The following DCUN1D4 variants were observed in gnomAD, a reference collection of about 807,000 sequenced individuals.
The protein encoded by DCUN1D4 is DCN1-like protein 4.
A neutral mutation model predicts 47.9 loss-of-function variants in DCUN1D4; 22 were observed. The observed-to-expected ratio is 0.46, with a 90% confidence interval of 0.33 to 0.66. The LOEUF is 0.66. DCUN1D4 is among the 30% of genes least tolerant of loss of function. The pLI is 0.02. For missense variants in DCUN1D4, 301 were observed against 340.8 expected (o/e 0.88, Z 0.92); for synonymous variants, 121 against 112.2 (o/e 1.08, Z -0.50).
chr4:51,849,834 T>TGTGTGTGTGTGCGTGC (rs951518619), intron 1 of DCUN1D4, among the ~76,000 whole-genome samples: 1 of 118,358 alleles, frequency 8.4e-6, no homozygotes. Flanking sequence ...TACAGAAATA[T>TGTGTGTGTGTGCGTGC]GTGTGTGTGT....
At chr4:51,884,637 T>G (rs1158747797) in intron 5 of DCUN1D4, among the ~76,000 whole-genome samples, 1 of 152,200 alleles carries the variant, frequency 6.6e-6, no homozygotes, top group South Asian at 2.1e-4. Flanking sequence ...GCTGAGCTTG[T>G]AAGAAGAATA....
chr4:51,864,592 G>A (rs1725605288), intron 3 of DCUN1D4, among the ~76,000 whole-genome samples: 2 of 152,126 alleles, frequency 1.3e-5, no homozygotes, highest in South Asian at 4.1e-4. Context: ...TGGGTCTGGT[G>A]AGGGTCTGTT....
intron 1 of DCUN1D4, among the ~76,000 whole-genome samples, chr4:51,854,646 C>T (rs147063938): frequency 3.9e-4 from 60 of 152,344 alleles, no homozygotes; most frequent in African/African-American, 1.4e-3. Context: ...ATCACTCATA[C>T]AATCCTCAGC....
At chr4:51,876,825 G>A (rs1334151581) in intron 4 of DCUN1D4, among the ~76,000 whole-genome samples, 1 of 151,832 alleles carries the variant, frequency 6.6e-6, no homozygotes, top group Non-Finnish European at 1.5e-5. Flanking sequence ...GGGAATTACC[G>A]AATATTATTT....
At chr4:51,868,995 A>G (rs1560473779) in intron 3 of DCUN1D4, among the ~76,000 whole-genome samples, 1 of 151,866 alleles carries the variant, frequency 6.6e-6, no homozygotes, top group East Asian at 1.9e-4. Flanking sequence ...GTGCATGCCT[A>G]TAATCTCAGC....
intron 4 of DCUN1D4, among the ~76,000 whole-genome samples, chr4:51,876,317 A>G (rs1727661572): frequency 6.6e-6 from 1 of 152,104 alleles, no homozygotes; most frequent in Admixed American, 6.5e-5. Flanking sequence ...TATCGCAAGG[A>G]CAAAAAACCA....
At chr4:51,852,258 A>C (rs182864746) in intron 1 of DCUN1D4, among the ~76,000 whole-genome samples, 1 of 152,292 alleles carries the variant, frequency 6.6e-6, no homozygotes, top group African/African-American at 2.4e-5. Flanking sequence ...AAGTATTTTC[A>C]TACTCTTAAC....
At chr4:51,883,873 T>G (rs573424278) in intron 5 of DCUN1D4, among the ~76,000 whole-genome samples, 3 of 151,988 alleles carry the variant, frequency 2.0e-5, no homozygotes, top group Admixed American at 1.3e-4. Context: ...AACATTTTAT[T>G]TTTTATTTTC....
At chr4:51,894,150 A>C (rs1475709413) in intron 7 of DCUN1D4, among the ~76,000 whole-genome samples, 1 of 152,160 alleles carries the variant, frequency 6.6e-6, no homozygotes, top group Non-Finnish European at 1.5e-5. Context: ...GTTTAGTGAC[A>C]AGCCTGATCC....
chr4:51,909,580 T>G (rs1352397945), intron 8 of DCUN1D4: 1 of 153,392 alleles, frequency 6.5e-6, no homozygotes, highest in Non-Finnish European at 1.5e-5. Flanking sequence ...TCTCCTGTCC[T>G]CTTCTCCATT....
rs531282469 is a variant in DCUN1D4, at chr4:51,910,802, C to T, written c.616-268C>T. 45 of 463,468 alleles carry T rather than the reference C, an allele frequency of 9.7e-5. 3 individuals carry two copies. Among genetic ancestry groups the T allele is most frequent in the African/African-American group, 6.0e-4 (29 of 48,706 alleles). The allele number at this position is 463,468 out of a possible 1,614,324, so 28.7% of individuals were successfully genotyped here. On this transcript the variant is annotated intron_variant, in intron 8 of 10. Coordinates refer to ENST00000334635, the MANE Select transcript of DCUN1D4 (RefSeq NM_001040402.3). ...CATGAAAAGCCTGTAGAAACTGCTA[C>T]GACATAACTAATTGATTTTGCATTA...
chr4:51,845,466 CTT>C (rs756095106), intron 1 of DCUN1D4, among the ~76,000 whole-genome samples: 2 of 152,150 alleles, frequency 1.3e-5, no homozygotes, highest in Non-Finnish European at 1.5e-5. Flanking sequence ...AACCATAAGA[CTT>C]TTTTTGTTTG....
rs1010235281 is a variant in DCUN1D4 at position 51,915,390 on chromosome 4, T to A, written c.*1806T>A. On this transcript the variant is annotated 3_prime_UTR_variant, in exon 11 of 11. Coordinates refer to ENST00000334635, the MANE Select transcript of DCUN1D4 (RefSeq NM_001040402.3). ...ACTTAACCACTCCTTATTTGTAGAT[T>A]CACTTTCAACCTTAAAAATTAATAC... 2 of 152,594 alleles carry A rather than the reference T, an allele frequency of 1.3e-5. No homozygotes were observed. The highest frequency in any genetic ancestry group is 1.3e-4 in the Admixed American group (2 of 15,266). The allele number at this position is 152,594 out of a possible 1,614,324, so 9.5% of individuals were successfully genotyped here.
At chr4:51,877,105 G>T (rs935326070) in intron 4 of DCUN1D4, among the ~76,000 whole-genome samples, 14 of 152,204 alleles carry the variant, frequency 9.2e-5, no homozygotes, top group Admixed American at 6.5e-4. Flanking sequence ...CAGTTCTCTA[G>T]TTTATGCTGG....
intron 2 of DCUN1D4, 68 bp downstream of exon 2, chr4:51,863,575 A>G (rs1267754860): frequency 4.4e-6 from 7 of 1,578,502 alleles, no homozygotes; most frequent in Non-Finnish European, 5.2e-6. Context: ...AGTGTATTTG[A>G]TAAAAATTTA....
At chr4:51,840,236 T>C (rs1340676998), upstream of DCUN1D4, among the ~76,000 whole-genome samples, 1 of 152,126 alleles carries the variant, frequency 6.6e-6, no homozygotes, top group East Asian at 1.9e-4. Context: ...ATGGGGATCA[T>C]GTTCTTTGGG....
chr4:51,875,095 A>G (rs931295274), intron 4 of DCUN1D4: 2 of 152,130 alleles, frequency 1.3e-5, no homozygotes, highest in Non-Finnish European at 2.9e-5. Context: ...GAATTTCCAC[A>G]TGTATTAATC....
chr4:51,903,142 T>C (rs1732369906), intron 8 of DCUN1D4, among the ~76,000 whole-genome samples: 1 of 152,162 alleles, frequency 6.6e-6, no homozygotes, highest in South Asian at 2.1e-4. Context: ...CTTATTTCTT[T>C]TGTGTAGATC....
intron 5 of DCUN1D4, chr4:51,884,317 T>C (rs186320283): frequency 6.6e-6 from 1 of 152,286 alleles, no homozygotes; most frequent in Admixed American, 6.5e-5. Context: ...CCTTATACTT[T>C]GTGTTAGTGA....
Sources: allele counts gnomAD v4.1 joint callset (sites outside exome capture counted in the v4.1 genomes callset), GRCh38; gene constraint gnomAD v4.1.1; transcripts MANE v1.5; gene names NCBI Gene and HGNC (gene_info 2026-07-23, HGNC 2026-07-21).